MYO16: variants seen among roughly 807,000 people sequenced by gnomAD.
MYO16 encodes the protein unconventional myosin-XVI.
Under a neutral mutation model 205.3 loss-of-function variants are expected in MYO16, and 94 were observed. That is an observed-to-expected ratio of 0.46 (90% CI 0.39 to 0.54). The LOEUF (loss-of-function observed/expected upper bound fraction) is 0.54, where lower values mean the gene tolerates loss of function less well. Ranked by LOEUF, MYO16 falls within the 20% of genes least tolerant of loss-of-function variation. The pLI, the probability that MYO16 is intolerant of heterozygous loss-of-function variation, is 0.00. For missense variants in MYO16, 2,315 were observed against 2,387.5 expected (o/e 0.97, Z 0.63); for synonymous variants, 988 against 954.0 (o/e 1.04, Z -0.66).
At chr13:108,987,260 G>C (rs1258175664) in intron 20 of MYO16, among the ~76,000 whole-genome samples, 2 of 152,204 alleles carry the variant, frequency 1.3e-5, no homozygotes, top group Non-Finnish European at 2.9e-5. Context: ...GCAACTGTCA[G>C]AATTGCAAAG....
At chr13:108,984,394 CT>C in intron 20 of MYO16, among the ~76,000 whole-genome samples, 1 of 152,196 alleles carries the variant, frequency 6.6e-6, no homozygotes. Flanking sequence ...GGATTCCTGC[CT>C]TTCCTGCAGT....
At chr13:108,696,113 A>G (rs1048337978) in intron 2 of MYO16, among the ~76,000 whole-genome samples, 8 of 152,230 alleles carry the variant, frequency 5.3e-5, no homozygotes, top group Non-Finnish European at 1.0e-4. Context: ...AACGTGTAGC[A>G]GCTGAAATTC....
intron 16 of MYO16, among the ~76,000 whole-genome samples, chr13:108,936,133 CTTCCTTCCTTCCTTCT>C (rs1198738948): frequency 3.6e-5 from 5 of 139,908 alleles, no homozygotes; most frequent in East Asian, 4.1e-4. Context: ...TCCTTCCTTC[CTTCCTTCCTTCCTTCT>C]TTCCTTCCTT....
intron 2 of MYO16, among the ~76,000 whole-genome samples, chr13:108,708,825 AC>A (rs202218933): frequency 0.015 from 2,230 of 152,288 alleles, 34 homozygotes; most frequent in Non-Finnish European, 0.022. Flanking sequence ...ATAAATGCTG[AC>A]AACCAGGTGG....
intron 20 of MYO16, among the ~76,000 whole-genome samples, chr13:108,982,868 T>C (rs1884492815): frequency 6.6e-6 from 1 of 152,178 alleles, no homozygotes; most frequent in African/African-American, 2.4e-5. Context: ...TCAAATATCC[T>C]ATGCTCTTAA....
intron 27 of MYO16, among the ~76,000 whole-genome samples, chr13:109,061,449 A>G (rs1172684390): frequency 3.3e-5 from 5 of 152,148 alleles, no homozygotes; most frequent in African/African-American, 1.2e-4. Flanking sequence ...CCTTTTATGT[A>G]AAAACTTCGT....
chr13:108,916,907 TC>T (rs1287240052), intron 16 of MYO16, among the ~76,000 whole-genome samples: 3 of 152,190 alleles, frequency 2.0e-5, no homozygotes, highest in Non-Finnish European at 4.4e-5. Context: ...CATTGGAACT[TC>T]TTGATTGGTA....
intron 21 of MYO16, among the ~76,000 whole-genome samples, chr13:109,004,611 A>G (rs1885328617): frequency 6.6e-6 from 1 of 152,202 alleles, no homozygotes; most frequent in Non-Finnish European, 1.5e-5. Flanking sequence ...CATGGAAAGT[A>G]GTTTTTCTTT....
chr13:108,968,777 G>C (rs1052384704), intron 20 of MYO16, among the ~76,000 whole-genome samples: 2 of 152,190 alleles, frequency 1.3e-5, no homozygotes, highest in Non-Finnish European at 1.5e-5. Flanking sequence ...ATCACCACCA[G>C]TTCCAGTAAG....
intron 9 of MYO16, among the ~76,000 whole-genome samples, chr13:108,831,289 C>G (rs771100453): frequency 1.7e-4 from 26 of 152,072 alleles, no homozygotes; most frequent in Non-Finnish European, 2.5e-4. Flanking sequence ...AGAAATGCAG[C>G]TAAATTTGAA....
intron 4 of MYO16, among the ~76,000 whole-genome samples, chr13:108,781,886 GA>G (rs1296423578): frequency 6.6e-6 from 1 of 152,138 alleles, no homozygotes; most frequent in Non-Finnish European, 1.5e-5. Flanking sequence ...TGCCATGTAA[GA>G]AGAGCCTTTT....
chr13:108,871,013 A>T (rs1879024178), intron 12 of MYO16, among the ~76,000 whole-genome samples: 1 of 152,164 alleles, frequency 6.6e-6, no homozygotes, highest in South Asian at 2.1e-4. Flanking sequence ...AAGTCTGTAG[A>T]AATATAAACC....
intron 12 of MYO16, among the ~76,000 whole-genome samples, chr13:108,878,149 G>A (rs1462303946): frequency 6.6e-6 from 1 of 152,162 alleles, no homozygotes; most frequent in African/African-American, 2.4e-5. Flanking sequence ...CTGGGTAGAA[G>A]AGAGCAGTTC....
chr13:108,851,280 T>C (rs1877846803), intron 10 of MYO16, among the ~76,000 whole-genome samples: 1 of 152,254 alleles, frequency 6.6e-6, no homozygotes, highest in Non-Finnish European at 1.5e-5. Context: ...TTAATTTTTG[T>C]ACATGCATAC....
At chr13:108,664,782 G>T (rs576717175) in intron 1 of MYO16, among the ~76,000 whole-genome samples, 1 of 152,262 alleles carries the variant, frequency 6.6e-6, no homozygotes, top group African/African-American at 2.4e-5. Flanking sequence ...TAACCTAGTG[G>T]TAAATATAAG....
chr13:108,555,480 T>A, the MYO16 span, among the ~76,000 whole-genome samples: 1 of 152,154 alleles, frequency 6.6e-6, no homozygotes, highest in African/African-American at 2.4e-5. Flanking sequence ...GTGCTGACCT[T>A]GGATTTCTGT....
intron 4 of MYO16, among the ~76,000 whole-genome samples, chr13:108,771,428 C>T (rs1272284807): frequency 6.6e-6 from 1 of 152,092 alleles, no homozygotes; most frequent in East Asian, 1.9e-4. Context: ...CGCAAAGCCT[C>T]GCCTCTTTCC....
At chr13:109,011,498 C>CTTTTTTTTTT (rs34575828) in intron 22 of MYO16, among the ~76,000 whole-genome samples, 15 of 129,916 alleles carry the variant, frequency 1.2e-4, no homozygotes, top group South Asian at 2.5e-4. Flanking sequence ...TTCTTCCTTT[C>CTTTTTTTTTT]TTTTTTTTTT....
At chr13:108,811,475 T>C (rs910402754) in intron 7 of MYO16, among the ~76,000 whole-genome samples, 6 of 151,440 alleles carry the variant, frequency 4.0e-5, no homozygotes, top group Non-Finnish European at 7.4e-5. Flanking sequence ...TCTCTGTTCC[T>C]CTCCCAAATT....
Sources: gnomAD v4.1 joint callset for allele counts (sites outside exome capture counted in the v4.1 genomes callset) on GRCh38, gnomAD v4.1.1 for gene constraint, MANE v1.5 for transcripts, NCBI Gene and HGNC (gene_info 2026-07-23, HGNC 2026-07-21) for gene names.